Variants in UBE2E3 observed in about 807,000 individuals in gnomAD.
The protein encoded by UBE2E3 is ubiquitin-conjugating enzyme E2 E3.
A neutral mutation model predicts 23.6 loss-of-function variants in UBE2E3; 5 were observed. The ratio of observed to expected loss-of-function variants is 0.21; its 90% CI spans 0.11 to 0.44. The LOEUF is 0.44. Among genes scored for constraint, UBE2E3 ranks in the 20% least tolerant of loss-of-function variants. The probability of loss-of-function intolerance (pLI) is 0.99; values close to 1 mark genes in which losing one functional copy is unlikely to be tolerated. For missense variants in UBE2E3, 81 were observed against 249.8 expected (o/e 0.32, Z 4.55); for synonymous variants, 78 against 87.5 (o/e 0.89, Z 0.60).
At chr2:181,015,523 T>C (rs185457100) in intron 3 of UBE2E3, among the ~76,000 whole-genome samples, 42 of 152,314 alleles carry the variant, frequency 2.8e-4, no homozygotes, top group African/African-American at 9.4e-4. Flanking sequence ...GATAAAAGTA[T>C]AATCTGGAGG....
chr2:181,034,889 A>G (rs1294461764), intron 3 of UBE2E3, among the ~76,000 whole-genome samples: 1 of 152,228 alleles, frequency 6.6e-6, no homozygotes, highest in African/African-American at 2.4e-5. Context: ...TGAAGAATTT[A>G]AAAAGTTAAC....
chr2:181,018,310 T>C (rs1044149557), intron 3 of UBE2E3, among the ~76,000 whole-genome samples: 22 of 152,188 alleles, frequency 1.4e-4, no homozygotes, highest in African/African-American at 4.6e-4. Context: ...TAAATACATA[T>C]CCACACATAT....
intron 3 of UBE2E3, among the ~76,000 whole-genome samples, chr2:181,010,735 G>A (rs1685299731): frequency 6.6e-6 from 1 of 151,816 alleles, no homozygotes; most frequent in Non-Finnish European, 1.5e-5. Context: ...CAATTTAGGG[G>A]CAAAAATGTT....
chr2:181,021,562 T>TCCTTCCTTCCTCCCTCCCTCCCTC (rs1685683046), intron 3 of UBE2E3, among the ~76,000 whole-genome samples: 1 of 35,368 alleles, frequency 2.8e-5, no homozygotes, highest in Non-Finnish European at 5.7e-5. Flanking sequence ...CTCCCTTCCT[T>TCCTTCCTTCCTCCCTCCCTCCCTC]CCTTCCTTCC....
intron 3 of UBE2E3, among the ~76,000 whole-genome samples, chr2:181,032,426 A>G (rs1024057985): frequency 6.6e-6 from 1 of 152,194 alleles, no homozygotes; most frequent in Non-Finnish European, 1.5e-5. Flanking sequence ...AACTTATTCA[A>G]ATGGCCCCTA....
At chr2:181,053,624 A>G (rs1247171810) in intron 3 of UBE2E3, among the ~76,000 whole-genome samples, 4 of 151,654 alleles carry the variant, frequency 2.6e-5, no homozygotes, top group Admixed American at 2.6e-4. Context: ...CAGACACACA[A>G]CCACCCCTGC....
chr2:180,998,551 T>G (rs4666669), intron 3 of UBE2E3, among the ~76,000 whole-genome samples: 35,253 of 151,986 alleles, frequency 0.23, 4,445 homozygotes, highest in Non-Finnish European at 0.28. Flanking sequence ...TGATTTTAGT[T>G]GCTAGTCATT....
At chr2:180,988,641 A>G (rs890280122) in intron 3 of UBE2E3, among the ~76,000 whole-genome samples, 1 of 152,150 alleles carries the variant, frequency 6.6e-6, no homozygotes, top group Admixed American at 6.5e-5. Context: ...CTAACCCCAT[A>G]GCATTCTTTC....
intron 3 of UBE2E3, among the ~76,000 whole-genome samples, chr2:181,036,845 A>T (rs1363782641): frequency 2.6e-5 from 4 of 152,252 alleles, no homozygotes; most frequent in Non-Finnish European, 4.4e-5. Context: ...GTGACCAGAA[A>T]TATGACATAG....
In UBE2E3 at chr2:181,060,477, G is replaced by A. The variant is rs142570331; in HGVS notation, c.379-188G>A. The stretch of plus-strand genomic sequence containing the variant: ...CCTCACTTTAGTTCTTTCTATACAG[G>A]GTAAAAACAAAAAATTTTTTTCAAC... On this transcript the variant is annotated intron_variant, in intron 4 of 5. Coordinates refer to ENST00000410062, the MANE Select transcript of UBE2E3 (RefSeq NM_006357.4). 6.6e-5 allele frequency among the ~76,000 whole-genome samples: 10 copies of A among 151,114 alleles called. No homozygotes were observed. In the East Asian group the frequency reaches 2.0e-3, roughly 30 times the overall value.
chr2:181,032,294 T>A (rs1324370195), intron 3 of UBE2E3, among the ~76,000 whole-genome samples: 1 of 152,216 alleles, frequency 6.6e-6, no homozygotes, highest in Non-Finnish European at 1.5e-5. Context: ...TAAAATAACG[T>A]GTATCCAACA....
chr2:181,012,028 G>A (rs562471938), intron 3 of UBE2E3, among the ~76,000 whole-genome samples: 2 of 152,210 alleles, frequency 1.3e-5, no homozygotes, highest in South Asian at 2.1e-4. Context: ...GCATAGCTCC[G>A]CTTTGCTCTA....
At chr2:181,025,558 G>C (rs958534808) in intron 3 of UBE2E3, among the ~76,000 whole-genome samples, 14 of 151,822 alleles carry the variant, frequency 9.2e-5, no homozygotes, top group African/African-American at 3.1e-4. Flanking sequence ...GTTGTTAATA[G>C]TTGTAAAATA....
chr2:181,055,041 AT>A (rs1046555307), intron 3 of UBE2E3, among the ~76,000 whole-genome samples: 2 of 151,770 alleles, frequency 1.3e-5, no homozygotes, highest in Non-Finnish European at 2.9e-5. Flanking sequence ...AGAAATGATC[AT>A]TGGGTGTAGT....
chr2:181,034,439 A>C (rs578144304), intron 3 of UBE2E3, among the ~76,000 whole-genome samples: 1 of 152,294 alleles, frequency 6.6e-6, no homozygotes, highest in African/African-American at 2.4e-5. Flanking sequence ...AGAAAACCAA[A>C]CACCACAGGT....
chr2:181,013,013 A>G lies in UBE2E3; in HGVS notation c.245+28920A>G, dbSNP rs111330619. Among the ~76,000 whole-genome samples the G allele has an allele frequency of 1.2e-4, 19 of 152,188 alleles. 1 individual carries two copies. The highest frequency in any genetic ancestry group is 3.9e-4 in the African/African-American group (16 of 41,532). ...GCACATTAATTTTTTTATTTTTTACATGGGAGTCTCATTATGTTTCTCAGG... is the reference window on the plus strand; with the variant it reads ...GCACATTAATTTTTTTATTTTTTACGTGGGAGTCTCATTATGTTTCTCAGG... On this transcript the variant is annotated intron_variant, in intron 3 of 5. Transcript: ENST00000410062.
intron 4 of UBE2E3, among the ~76,000 whole-genome samples, chr2:181,060,002 T>G (rs951548167): frequency 2.0e-5 from 3 of 151,774 alleles, no homozygotes; most frequent in African/African-American, 7.3e-5. Flanking sequence ...TGATTTATCT[T>G]CTTTTCTCAC....
Position 180,980,986 on chromosome 2 carries a change from G to C in UBE2E3, c.-26+13G>C, listed in dbSNP as rs1405668658. The C allele has an allele frequency of 2.0e-5, 3 of 146,986 alleles. No homozygotes were observed. 9.1% of individuals were successfully genotyped at this position (146,986 alleles called of 1,614,324 possible). A position where few individuals can be genotyped will look rare whatever the true frequency, so the allele number is the denominator to read the frequency against. ...GCGGGCGGCCGAGGTAAGGCGGCGG[G>C]GCCGGGGGGCCGCGTGGGGGGCGGC... is the stretch of plus-strand genomic sequence containing the variant. On this transcript the variant is annotated intron_variant, in intron 1 of 5. Coordinates refer to ENST00000410062, the MANE Select transcript of UBE2E3 (RefSeq NM_006357.4). The surrounding 1 kb of genome is among the most constrained non-coding windows in gnomAD (Gnocchi z 5.5).
chr2:181,037,515 C>CA (rs1160355896), intron 3 of UBE2E3, among the ~76,000 whole-genome samples: 3 of 151,262 alleles, frequency 2.0e-5, no homozygotes, highest in South Asian at 2.1e-4. Flanking sequence ...TTAGTTTTTA[C>CA]AAAAAAAGTT....
Sources: allele counts gnomAD v4.1 joint callset (sites outside exome capture counted in the v4.1 genomes callset), GRCh38; gene constraint gnomAD v4.1.1; non-coding constraint Gnocchi (gnomAD v3.1); transcripts MANE v1.5; gene names NCBI Gene and HGNC (gene_info 2026-07-23, HGNC 2026-07-21).